PNPLA1: variants seen among roughly 807,000 people sequenced by gnomAD.
PNPLA1 encodes patatin like domain 1, omega-hydroxyceramide transacylase.
PNPLA1 carries 36 observed loss-of-function variants against 51.7 expected under a neutral mutation model. The observed-to-expected ratio is 0.70, with a 90% CI of 0.53 to 0.92. The LOEUF (loss-of-function observed/expected upper bound fraction) is 0.92, where lower values mean the gene tolerates loss of function less well. PNPLA1 is among the 40% of genes least tolerant of loss of function. The pLI, the probability that PNPLA1 is intolerant of heterozygous loss-of-function variation, is 0.00. For missense variants in PNPLA1, 658 were observed against 682.5 expected (o/e 0.96, Z 0.40); for synonymous variants, 293 against 280.1 (o/e 1.05, Z -0.46).
intron 2 of PNPLA1, among the ~76,000 whole-genome samples, chr6:36,292,292 G>A (rs958305694): frequency 6.6e-6 from 1 of 151,988 alleles, no homozygotes; most frequent in African/African-American, 2.4e-5. Flanking sequence ...CACCACCTCC[G>A]TCCCTCAGGC....
At chr6:36,289,267 G>A (rs1181692110) in intron 1 of PNPLA1, among the ~76,000 whole-genome samples, 1 of 152,126 alleles carries the variant, frequency 6.6e-6, no homozygotes, top group African/African-American at 2.4e-5. Context: ...GGCCTCATGG[G>A]AAAAGCCATT....
Position 36,250,342 on chromosome 6 carries a change from C to A in PNPLA1, c.-81+7081C>A, listed in dbSNP as rs1020896041. On this transcript the variant is annotated intron_variant, in intron 1 of 7. Coordinates refer to the PNPLA1 transcript ENST00000312917. ...TGGCAGCAGTCCTGTGATCATGAGG[C>A]ACAGTCACAGGAAGGAAAGCCCAAA... 1.7e-4 allele frequency among the ~76,000 whole-genome samples: 26 copies of A among 152,094 alleles called. 1 individual carries two copies. Among genetic ancestry groups the A allele is most frequent in the Admixed American group, 1.4e-3 (22 of 15,254 alleles).
chr6:36,287,232 C>T (rs1770521520), intron 1 of PNPLA1, among the ~76,000 whole-genome samples: 1 of 152,164 alleles, frequency 6.6e-6, no homozygotes, highest in Non-Finnish European at 1.5e-5. Context: ...GAATATGGCC[C>T]ATCTCTCCCC....
At chr6:36,262,008 T>TA (rs1769659911) in intron 1 of PNPLA1, among the ~76,000 whole-genome samples, 1 of 152,246 alleles carries the variant, frequency 6.6e-6, no homozygotes, top group Admixed American at 6.5e-5. Flanking sequence ...CACGGCTTTT[T>TA]ATCCTCTGGG....
Position 36,295,394 on chromosome 6 carries a change from G to A in PNPLA1, c.745G>A (p.Glu249Lys), listed in dbSNP as rs45524833. Residue 249 changes from glutamate (E) to lysine (K), a missense_variant, in exon 5 of 9, where the codon GAG becomes AAG. Glu to Lys is a moderately conservative substitution (Grantham distance 56). Coordinates refer to ENST00000636260, the MANE Select transcript of PNPLA1 (RefSeq NM_001374623.1). ...GCACGATTACTACTACCGAGGGTACGAGGATGCAGTTTTGTACTTGAGGCG... is the reference window on the plus strand; with the variant it reads ...GCACGATTACTACTACCGAGGGTACAAGGATGCAGTTTTGTACTTGAGGCG... Reference protein sequence around the residue: ...ILHDYYYRGYEDAVLYLRRLN... With the variant: ...ILHDYYYRGYKDAVLYLRRLN... The A allele has an allele frequency of 3.0e-3, 4,857 of 1,614,204 alleles. 18 individuals are homozygous for A. The highest frequency in any genetic ancestry group is 7.0e-3 in the Admixed American group (422 of 60,020).
rs368997185 is a variant in PNPLA1 at position 36,270,430 on chromosome 6, G to A, written c.-30G>A. 454 of 1,549,448 alleles carry A rather than the reference G, an allele frequency of 2.9e-4. No individual in the cohort carries two copies. In the African/African-American group the frequency reaches 5.8e-3, roughly 20 times the overall value. On this transcript the variant is annotated 5_prime_UTR_variant, in exon 1 of 9. Transcript: ENST00000636260. The stretch of plus-strand genomic sequence containing the variant: ...CAGGCAAGTGCTGAAGGGTGGCTCC[G>A]CCTTCCGCAGAAAGTCAGAGGCCGA...
chr6:36,279,110 A>G (rs1372354147), intron 1 of PNPLA1, among the ~76,000 whole-genome samples: 1 of 152,140 alleles, frequency 6.6e-6, no homozygotes, highest in Non-Finnish European at 1.5e-5. Flanking sequence ...CCCCGGTGAA[A>G]ACATGCTTGT....
intron 1 of PNPLA1, among the ~76,000 whole-genome samples, chr6:36,272,775 G>A (rs1361263124): frequency 6.6e-6 from 1 of 152,172 alleles, no homozygotes; most frequent in Admixed American, 6.5e-5. Flanking sequence ...CCCAAGCAGG[G>A]TGCCTTCCTG....
chr6:36,248,526 T>TA (rs1769351680), intron 1 of PNPLA1, among the ~76,000 whole-genome samples: 2 of 146,570 alleles, frequency 1.4e-5, no homozygotes, highest in East Asian at 4.0e-4. Flanking sequence ...AACTTCTCAT[T>TA]TTTTTTTTTT....
Position 36,283,852 on chromosome 6 carries a change from A to G in PNPLA1, c.206-7468A>G, listed in dbSNP as rs377479761. On this transcript the variant is annotated intron_variant, in intron 1 of 8. Transcript: ENST00000636260. ...CATCCCAGTGTCCCCTTGGTAGTGC[A>G]TGGAGAATCTGTACGGCAGGATAGG... 9.8e-5 allele frequency among the ~76,000 whole-genome samples: 15 copies of G among 152,340 alleles called. No homozygotes were observed. The East Asian group carries it at 1.5e-3, about 16-fold the overall frequency.
At chr6:36,264,661 G>T (rs180967053) in intron 1 of PNPLA1, among the ~76,000 whole-genome samples, 1 of 152,264 alleles carries the variant, frequency 6.6e-6, no homozygotes, top group Admixed American at 6.5e-5. Flanking sequence ...TAAAACCAGG[G>T]AAATAGCTGA....
At chr6:36,288,203 G>C (rs1280349846) in intron 1 of PNPLA1, among the ~76,000 whole-genome samples, 1 of 152,202 alleles carries the variant, frequency 6.6e-6, no homozygotes, top group Admixed American at 6.5e-5. Flanking sequence ...GCATGAGATT[G>C]TTCATTGCAT....
chr6:36,283,866 C>T (rs142041133), intron 1 of PNPLA1, among the ~76,000 whole-genome samples: 12 of 152,168 alleles, frequency 7.9e-5, no homozygotes, highest in Non-Finnish European at 1.3e-4. Flanking sequence ...AGAATCTGTA[C>T]GGCAGGATAG....
chr6:36,307,977 T>C, intron 8 of PNPLA1: 1 of 320,196 alleles, frequency 3.1e-6, no homozygotes, highest in Middle Eastern at 9.3e-4. Context: ...GAGAGTTAAA[T>C]GTGATCGATG....
At chr6:36,252,465 C>T (rs1238524605) in intron 1 of PNPLA1, among the ~76,000 whole-genome samples, 1 of 150,400 alleles carries the variant, frequency 6.6e-6, no homozygotes, top group Non-Finnish European at 1.5e-5. Flanking sequence ...GTAAGGAAGC[C>T]AGGAAGTGGA....
chr6:36,254,253 C>G (rs747140941), intron 1 of PNPLA1, among the ~76,000 whole-genome samples: 6 of 152,154 alleles, frequency 3.9e-5, no homozygotes, highest in Admixed American at 1.3e-4. Context: ...CTAATCCCAT[C>G]CTGGTCTTGG....
At chr6:36,261,559 T>C (rs891136272) in intron 1 of PNPLA1, among the ~76,000 whole-genome samples, 2 of 152,238 alleles carry the variant, frequency 1.3e-5, no homozygotes, top group Non-Finnish European at 2.9e-5. Context: ...TGAACGTGTG[T>C]TCACCTCAGA....
At chr6:36,271,757 G>T (rs553987519) in intron 1 of PNPLA1, among the ~76,000 whole-genome samples, 3 of 152,298 alleles carry the variant, frequency 2.0e-5, no homozygotes, top group Admixed American at 6.5e-5. Context: ...AGGTCAACAG[G>T]GGCCAGGTCA....
intron 1 of PNPLA1, among the ~76,000 whole-genome samples, chr6:36,279,369 T>C (rs910208326): frequency 1.3e-5 from 2 of 152,210 alleles, no homozygotes; most frequent in Non-Finnish European, 2.9e-5. Flanking sequence ...GAAATTCTCC[T>C]GGGGCCCTGG....
Sources: gnomAD v4.1 joint callset for allele counts (sites outside exome capture counted in the v4.1 genomes callset) on GRCh38, gnomAD v4.1.1 for gene constraint, MANE v1.5 for transcripts, NCBI Gene and HGNC (gene_info 2026-07-23, HGNC 2026-07-21) for gene names.